Variants in USP48 observed in about 807,000 individuals in gnomAD.
The protein encoded by USP48 is ubiquitin specific peptidase 48.
In USP48, 43 loss-of-function variants were observed where a neutral mutation model predicts 150.7. That is an observed-to-expected ratio of 0.29 (90% confidence interval 0.22 to 0.37). The LOEUF is 0.37. Ranked by LOEUF, USP48 falls within the 10% of genes least tolerant of loss-of-function variation. USP48 has a pLI of 1.00. For missense variants in USP48, 813 were observed against 1,249.6 expected (o/e 0.65, Z 5.27); for synonymous variants, 396 against 425.9 (o/e 0.93, Z 0.86).
At chr1:21,775,348 A>C (rs891943135) in intron 1 of USP48, among the ~76,000 whole-genome samples, 1 of 152,026 alleles carries the variant, frequency 6.6e-6, no homozygotes, top group Admixed American at 6.6e-5. Flanking sequence ...TGCAACCTAC[A>C]CCTCCTGGGT....
rs2097840473 is a variant in USP48, at chr1:21,757,756, G to A, written c.162C>T (p.Cys54=). 2 of 1,605,524 alleles carry A rather than the reference G, an allele frequency of 1.2e-6. No homozygotes were observed. Among genetic ancestry groups the A allele is most frequent in the African/African-American group, 1.3e-5 (1 of 74,364 alleles). ...CRRNCKGNPN[C]LVGIGEHIWL... is the part of the protein sequence containing the mutation. ...AAATATGCTCACCAATACCAACCAAGCAATTCGGATTTCCTTTGCAGTTTC... is the reference window on the plus strand; with the variant it reads ...AAATATGCTCACCAATACCAACCAAACAATTCGGATTTCCTTTGCAGTTTC... Residue 54 remains cysteine (C), a synonymous_variant, in exon 2 of 27, where the codon TGC becomes TGT. Coordinates refer to ENST00000308271, the MANE Select transcript of USP48 (RefSeq NM_032236.8).
At chr1:21,689,824 G>T in intron 24 of USP48, 150 bp downstream of exon 24, 3 of 982,234 alleles carry the variant, frequency 3.1e-6, no homozygotes, top group Non-Finnish European at 4.4e-6. Context: ...AGCCAGAGTT[G>T]GGCTGAGCTG....
At chr1:21,724,272 C>T (rs1306704678) in intron 11 of USP48, 177 bp from the exon 12 acceptor site, 1 of 661,058 alleles carries the variant, frequency 1.5e-6, no homozygotes, top group Non-Finnish European at 2.6e-6. Context: ...TTAAGTGCCA[C>T]TCCTATGAGT....
At chr1:21,712,003 G>C (rs189721461) in intron 15 of USP48, among the ~76,000 whole-genome samples, 4 of 152,318 alleles carry the variant, frequency 2.6e-5, no homozygotes, top group African/African-American at 9.6e-5. Context: ...CTGTGCCTCA[G>C]TTTACTTACT....
chr1:21,726,137 T>C, intron 11 of USP48, among the ~76,000 whole-genome samples: 1 of 152,140 alleles, frequency 6.6e-6, no homozygotes. Flanking sequence ...GCAGTATCTG[T>C]TATTGCTAAC....
At chr1:21,771,299 G>A (rs1165423416) in intron 1 of USP48, among the ~76,000 whole-genome samples, 4 of 151,096 alleles carry the variant, frequency 2.6e-5, no homozygotes, top group African/African-American at 4.9e-5. Flanking sequence ...GCCTGAACCC[G>A]GGAGATGGAG....
chr1:21,766,817 C>A (rs1307507517), intron 1 of USP48, among the ~76,000 whole-genome samples: 1 of 152,078 alleles, frequency 6.6e-6, no homozygotes, highest in African/African-American at 2.4e-5. Flanking sequence ...TGTAACCCAG[C>A]ACTTTGGGAA....
At chr1:21,739,707 G>A (rs557846804) in intron 8 of USP48, among the ~76,000 whole-genome samples, 3 of 152,090 alleles carry the variant, frequency 2.0e-5, no homozygotes, top group Non-Finnish European at 4.4e-5. Context: ...ATTAACTGCA[G>A]TCACCATGCT....
At chr1:21,692,134 G>A (rs2097603740) in intron 23 of USP48, among the ~76,000 whole-genome samples, 2 of 152,112 alleles carry the variant, frequency 1.3e-5, no homozygotes, top group Admixed American at 1.3e-4. Context: ...CTCCCTAACT[G>A]CTGGGACAGA....
At chr1:21,689,304 C>CA (rs35223706) in intron 24 of USP48, among the ~76,000 whole-genome samples, 1 of 64,080 alleles carries the variant, frequency 1.6e-5, no homozygotes, top group East Asian at 4.7e-4. Context: ...CCATCTAGTC[C>CA]AAAAAAAGGA....
At chr1:21,720,306 A>G (rs1486639674) in intron 14 of USP48, among the ~76,000 whole-genome samples, 1 of 152,170 alleles carries the variant, frequency 6.6e-6, no homozygotes, top group Non-Finnish European at 1.5e-5. Flanking sequence ...ATTAATATTA[A>G]TTTTGCATGT....
At chr1:21,771,619 A>C (rs1246623562) in intron 1 of USP48, among the ~76,000 whole-genome samples, 4 of 151,368 alleles carry the variant, frequency 2.6e-5, no homozygotes, top group Non-Finnish European at 5.9e-5. Flanking sequence ...AATCAATGGC[A>C]AAAAAAACAG....
intron 16 of USP48, 50 bp downstream of exon 16, chr1:21,706,694 A>G (rs1269068949): frequency 1.2e-6 from 2 of 1,610,108 alleles, no homozygotes; most frequent in African/African-American, 2.7e-5. Flanking sequence ...TGGGAAGTCA[A>G]CCCAGGGAGG....
chr1:21,764,826 C>G (rs1207755118), intron 1 of USP48, among the ~76,000 whole-genome samples: 4 of 151,752 alleles, frequency 2.6e-5, no homozygotes, highest in Non-Finnish European at 5.9e-5. Context: ...CTAAAAAGTT[C>G]TAAACCTCTC....
At chr1:21,775,957 C>G (rs892131433) in intron 1 of USP48, among the ~76,000 whole-genome samples, 1 of 152,158 alleles carries the variant, frequency 6.6e-6, no homozygotes, top group Non-Finnish European at 1.5e-5. Context: ...ACATATTAAA[C>G]ATATGAAACC....
chr1:21,782,334 G>A (rs996588298), intron 1 of USP48, among the ~76,000 whole-genome samples: 2 of 152,054 alleles, frequency 1.3e-5, no homozygotes, highest in Non-Finnish European at 2.9e-5. Flanking sequence ...AGATTAACGA[G>A]TGAGGGAAGG....
chr1:21,782,953 G>A lies in USP48; in HGVS notation c.5C>T (p.Ala2Val), dbSNP rs2097918271. M[A>V]PRLQLEKAAW... is the part of the protein sequence containing the mutation. ...CGCCTTCTCCAGCTGCAGCCGCGGG[G>A]CCATGGCCTTGGCCCCAGGAACGCC... The change falls in exon 1 of 27, where the codon GCC becomes GTC. Residue 2 changes from alanine to valine, a missense_variant. Coordinates refer to ENST00000308271, the MANE Select transcript of USP48 (RefSeq NM_032236.8). 6.5e-7 allele frequency: 1 copy of A among 1,543,108 alleles called. No homozygotes were observed. The highest frequency in any genetic ancestry group is 8.7e-7 in the Non-Finnish European group (1 of 1,147,164).
intron 3 of USP48, among the ~76,000 whole-genome samples, chr1:21,754,551 G>A (rs2097826551): frequency 6.6e-6 from 1 of 152,102 alleles, no homozygotes; most frequent in Non-Finnish European, 1.5e-5. Flanking sequence ...ATGAGAGATG[G>A]GCTCTGCAAA....
chr1:21,701,672 G>T, intron 21 of USP48, 70 bp from the exon 22 acceptor site: 3 of 1,247,004 alleles, frequency 2.4e-6, no homozygotes, highest in Non-Finnish European at 3.5e-6. Flanking sequence ...GGATGTGGGG[G>T]CTGGGACCGG....
Sources: gnomAD v4.1 joint callset for allele counts (sites outside exome capture counted in the v4.1 genomes callset) on GRCh38, gnomAD v4.1.1 for gene constraint, MANE v1.5 for transcripts, NCBI Gene and HGNC (gene_info 2026-07-23, HGNC 2026-07-21) for gene names.